SERPINB12: variants seen among roughly 807,000 people sequenced by gnomAD.
The protein encoded by SERPINB12 is serpin B12.
A neutral mutation model predicts 41.1 loss-of-function variants in SERPINB12; 57 were observed. That is an observed-to-expected ratio of 1.39 (90% CI 1.12 to 1.73). The LOEUF is 1.73. Among genes scored for constraint, SERPINB12 ranks in the 40% most tolerant of loss-of-function variants. The probability of loss-of-function intolerance (pLI) is 0.00; values close to 1 mark genes in which losing one functional copy is unlikely to be tolerated. For synonymous variants in SERPINB12, 180 were observed against 181.3 expected, an observed-to-expected ratio of 0.99 and a Z score of 0.06; for missense variants, 536 against 501.9, an observed-to-expected ratio of 1.07 and a Z score of -0.65.
At position 63,566,771 on chromosome 18, in the gene SERPINB12, G is replaced by C. The variant is rs61751995; in HGVS notation, c.1038G>C (p.Thr346=). ...GCATTACGGATATCTTTGATGAAAC[G>C]AGGGCTGATCTTACTGGAATCTCTC... The part of the protein sequence containing the change: ...DMGITDIFDE[T]RADLTGISPS... The change falls in exon 8 of 8, where the codon ACG becomes ACC. Residue 346 remains threonine (T), a synonymous_variant. Coordinates refer to ENST00000382768, the MANE Select transcript of SERPINB12 (RefSeq NM_001307928.2). 52,920 of 1,614,006 alleles carry C rather than the reference G, an allele frequency of 0.033. 2,408 individuals carry two copies. Among genetic ancestry groups the C allele is most frequent in the East Asian group, 0.26 (11,593 of 44,858 alleles).
chr18:63,535,568 C>T, the SERPINB12 span, among the ~76,000 whole-genome samples: 3 of 152,018 alleles, frequency 2.0e-5, no homozygotes, highest in African/African-American at 7.2e-5. Context: ...GATTAGAAGA[C>T]AAAAAAGATA....
chr18:63,528,534 A>G, the SERPINB12 span, among the ~76,000 whole-genome samples: 1,238 of 152,250 alleles, frequency 8.1e-3, 18 homozygotes, highest in African/African-American at 0.028. Context: ...ACCATATGGA[A>G]TGTTCATTTT....
rs1376561375 is a variant in SERPINB12, at chr18:63,559,601, C to T, written c.327C>T (p.Ser109=). 9 of 1,613,924 alleles carry T rather than the reference C, an allele frequency of 5.6e-6. No homozygotes were observed. The highest frequency in any genetic ancestry group is 3.3e-5 in the Admixed American group (2 of 59,994). The change falls in exon 4 of 8, where the codon AGC becomes AGT. Residue 109 remains serine, a synonymous_variant. Transcript: ENST00000382768. The part of the protein sequence containing the change: ...DQQAGSLNNE[S]GLVSCYFGQL... Reference sequence around the variant, plus strand: ...AGGCTGGGTCCTTAAACAATGAGAGCGGACTGGTCAGCTGCTACTTTGGGC... The same window carrying T: ...AGGCTGGGTCCTTAAACAATGAGAGTGGACTGGTCAGCTGCTACTTTGGGC...
Position 63,565,452 on chromosome 18 carries a change from A to G in SERPINB12, c.713A>G (p.Asn238Ser). 6.2e-7 allele frequency: 1 copy of G among 1,613,012 alleles called. No homozygotes were observed. The change falls in exon 7 of 8, where the codon AAC (asparagine) becomes AGC (serine). Residue 238 changes from asparagine (N) to serine (S), a missense_variant. Asn to Ser is a conservative substitution (Grantham distance 46). Coordinates refer to ENST00000382768, the MANE Select transcript of SERPINB12 (RefSeq NM_001307928.2). ...DAPFCLNANE[N>S]KSVKMMTQKG... ...CTACCTTGACTACTACAGAATGAAA[A>G]CAAGAGTGTGAAGATGATGACGCAA...
chr18:63,554,089 A>T (rs1409198041), intron 1 of SERPINB12, among the ~76,000 whole-genome samples: 1 of 152,182 alleles, frequency 6.6e-6, no homozygotes, highest in East Asian at 1.9e-4. Context: ...TTAGGTACAA[A>T]CTTGGCAGAA....
chr18:63,525,158 A>G, the SERPINB12 span, among the ~76,000 whole-genome samples: 6 of 152,150 alleles, frequency 3.9e-5, no homozygotes, highest in South Asian at 1.2e-3. Flanking sequence ...GTTTTTTTCT[A>G]TGTTGTTTCT....
intron 1 of SERPINB12, among the ~76,000 whole-genome samples, chr18:63,543,837 G>C (rs1162693188): frequency 6.6e-6 from 1 of 152,108 alleles, no homozygotes; most frequent in Non-Finnish European, 1.5e-5. Flanking sequence ...GGCTGGTCTT[G>C]AACTCCTGAC....
chr18:63,534,734 T>A, the SERPINB12 span, among the ~76,000 whole-genome samples: 1 of 152,214 alleles, frequency 6.6e-6, no homozygotes, highest in Non-Finnish European at 1.5e-5. Context: ...ACTTGTTTTA[T>A]GAGTTGCTTT....
chr18:63,548,979 A>G (rs1297040221), intron 1 of SERPINB12, among the ~76,000 whole-genome samples: 2 of 152,168 alleles, frequency 1.3e-5, no homozygotes, highest in Non-Finnish European at 2.9e-5. Flanking sequence ...TTTATCGTAG[A>G]ATTATTCATA....
upstream of SERPINB12, among the ~76,000 whole-genome samples, chr18:63,538,899 C>T (rs552008609): frequency 2.8e-4 from 43 of 152,200 alleles, no homozygotes; most frequent in Admixed American, 8.5e-4. Context: ...GTGTATAAAG[C>T]GGTATCTCAC....
At chr18:63,540,069 C>T (rs1910244320), upstream of SERPINB12, among the ~76,000 whole-genome samples, 1 of 152,148 alleles carries the variant, frequency 6.6e-6, no homozygotes, top group South Asian at 2.1e-4. Context: ...CCTGTTTCCA[C>T]TCCATGGTGA....
chr18:63,554,632 A>C (rs913086202), intron 1 of SERPINB12, among the ~76,000 whole-genome samples: 2 of 152,200 alleles, frequency 1.3e-5, no homozygotes, highest in Admixed American at 6.5e-5. Context: ...CAGTGGTGAG[A>C]TCTACATATT....
chr18:63,557,841 G>A (rs1910728725), intron 2 of SERPINB12, among the ~76,000 whole-genome samples: 1 of 152,138 alleles, frequency 6.6e-6, no homozygotes, highest in Admixed American at 6.5e-5. Flanking sequence ...CAAACATAAT[G>A]AGAACCACAT....
In SERPINB12 at chr18:63,566,866, A is replaced by C. The variant is rs781274883; in HGVS notation, c.1133A>C (p.Gln378Pro). ...GTGGAGGTGGATGAAAACGGTACCC[A>C]GGCAGCTGCAGCCACTGGGGCTGTT... Reference protein sequence around the residue: ...TFVEVDENGTQAAAATGAVVS... With the variant: ...TFVEVDENGTPAAAATGAVVS... The change falls in exon 8 of 8, where the codon CAG becomes CCG. Residue 378 changes from glutamine (Q) to proline (P), a missense_variant. Transcript: ENST00000382768. 13 of 1,614,074 alleles carry C rather than the reference A, an allele frequency of 8.1e-6. No homozygotes were observed. In the East Asian group the frequency reaches 2.7e-4, roughly 33 times the overall value.
intron 5 of SERPINB12, among the ~76,000 whole-genome samples, chr18:63,562,934 G>A (rs1910961503): frequency 6.6e-6 from 1 of 152,198 alleles, no homozygotes; most frequent in Admixed American, 6.5e-5. Flanking sequence ...CTAAAGGTGG[G>A]ATATTGCCCG....
chr18:63,526,092 C>CA, the SERPINB12 span, among the ~76,000 whole-genome samples: 1 of 152,028 alleles, frequency 6.6e-6, no homozygotes, highest in South Asian at 2.1e-4. Flanking sequence ...ATTTAAAAAT[C>CA]ATGGATCTTA....
At chr18:63,558,562 T>G in intron 3 of SERPINB12, 76 bp downstream of exon 3, 2 of 1,474,954 alleles carry the variant, frequency 1.4e-6, no homozygotes, top group Non-Finnish European at 1.8e-6. Context: ...TATTTGGTGA[T>G]AGTTGCTTAT....
chr18:63,561,832 T>A (rs138779181), intron 5 of SERPINB12, among the ~76,000 whole-genome samples: 244 of 152,236 alleles, frequency 1.6e-3, no homozygotes, highest in Non-Finnish European at 3.0e-3. Flanking sequence ...AGCTAAACAT[T>A]GAGGACACAC....
intron 5 of SERPINB12, 140 bp downstream of exon 5, chr18:63,561,342 A>C (rs551162433): frequency 5.7e-4 from 343 of 605,040 alleles, no homozygotes; most frequent in Non-Finnish European, 9.2e-4. Context: ...GGTTTGCAGA[A>C]TGAGATACCA....
Sources: gnomAD v4.1 joint callset for allele counts (sites outside exome capture counted in the v4.1 genomes callset) on GRCh38, gnomAD v4.1.1 for gene constraint, MANE v1.5 for transcripts, NCBI Gene and HGNC (gene_info 2026-07-23, HGNC 2026-07-21) for gene names.